Variants in OR1J2 observed in about 807,000 individuals in gnomAD.
OR1J2 encodes the protein olfactory receptor 1J2.
For synonymous variants in OR1J2, 142 were observed against 99.7 expected (o/e 1.42, Z -2.52); for missense variants, 304 against 246.1 (o/e 1.24, Z -1.57).
the OR1J2 span, among the ~76,000 whole-genome samples, chr9:122,564,250 C>T: frequency 2.4e-4 from 37 of 152,138 alleles, no homozygotes; most frequent in African/African-American, 8.0e-4. Flanking sequence ...TCCACTCGAT[C>T]CCAAAACCCA....
the OR1J2 span, among the ~76,000 whole-genome samples, chr9:122,483,555 T>C: frequency 1.3e-5 from 2 of 152,314 alleles, no homozygotes; most frequent in East Asian, 3.9e-4. Context: ...TGGGCACATA[T>C]ATGCAGTAAA....
chr9:122,449,484 C>T, the OR1J2 span, among the ~76,000 whole-genome samples: 616 of 152,276 alleles, frequency 4.0e-3, 20 homozygotes, highest in East Asian at 0.074. Flanking sequence ...ATTCTCCTGC[C>T]TCAGCCTCCC....
At chr9:122,517,624 G>A in the OR1J2 span, among the ~76,000 whole-genome samples, 2 of 152,134 alleles carry the variant, frequency 1.3e-5, no homozygotes, top group East Asian at 3.8e-4. Context: ...GACTTAAAGG[G>A]AACTTTTCAA....
chr9:122,553,635 C>T, the OR1J2 span: 56 of 1,614,030 alleles, frequency 3.5e-5, no homozygotes, highest in Non-Finnish European at 4.4e-5. Flanking sequence ...TATGAGTCCC[C>T]AGCTCTGTGC....
the OR1J2 span, among the ~76,000 whole-genome samples, chr9:122,474,487 A>T: frequency 6.6e-6 from 1 of 152,202 alleles, no homozygotes; most frequent in African/African-American, 2.4e-5. Context: ...AAACCTGGCT[A>T]CAGGCTAGTT....
chr9:122,461,360 AT>A, the OR1J2 span, among the ~76,000 whole-genome samples: 2 of 151,512 alleles, frequency 1.3e-5, no homozygotes, highest in East Asian at 3.9e-4. Context: ...TTGTACATCT[AT>A]TGAGATAATC....
chr9:122,479,601 T>G, the OR1J2 span, among the ~76,000 whole-genome samples: 1 of 152,190 alleles, frequency 6.6e-6, no homozygotes, highest in Non-Finnish European at 1.5e-5. Flanking sequence ...CACATCATAA[T>G]AAATTCAGAT....
the OR1J2 span, among the ~76,000 whole-genome samples, chr9:122,548,911 T>C: frequency 6.6e-6 from 1 of 152,070 alleles, no homozygotes; most frequent in Non-Finnish European, 1.5e-5. Context: ...TCTCCCATTC[T>C]TCAGGTGGTT....
chr9:122,507,457 CA>C (rs1398063414), upstream of OR1J2, among the ~76,000 whole-genome samples: 1 of 152,152 alleles, frequency 6.6e-6, no homozygotes, highest in Non-Finnish European at 1.5e-5. Context: ...TCCCCAAATA[CA>C]GTCTACACCA....
At chr9:122,534,555 C>T in the OR1J2 span, among the ~76,000 whole-genome samples, 15 of 152,172 alleles carry the variant, frequency 9.9e-5, no homozygotes, top group East Asian at 3.9e-4. Context: ...GGCTAGTCAC[C>T]GAACGAAACT....
At chr9:122,560,865 T>A in the OR1J2 span, among the ~76,000 whole-genome samples, 10 of 152,214 alleles carry the variant, frequency 6.6e-5, no homozygotes, top group Non-Finnish European at 1.3e-4. Flanking sequence ...TGAATTTGAA[T>A]GTTGGTCTGT....
downstream of OR1J2, among the ~76,000 whole-genome samples, chr9:122,514,419 C>T (rs1828673667): frequency 2.0e-5 from 3 of 152,244 alleles, no homozygotes; most frequent in Admixed American, 2.0e-4. Context: ...AGGATGATGG[C>T]CTCCAGTTAC....
chr9:122,485,229 G>T, the OR1J2 span, among the ~76,000 whole-genome samples: 1 of 152,070 alleles, frequency 6.6e-6, no homozygotes, highest in Non-Finnish European at 1.5e-5. Context: ...TAGACAACTG[G>T]CTCCATGTAA....
the OR1J2 span, among the ~76,000 whole-genome samples, chr9:122,575,500 ATTTC>A: frequency 3.3e-5 from 5 of 151,950 alleles, no homozygotes; most frequent in East Asian, 1.9e-4. Flanking sequence ...TGTTCATAGT[ATTTC>A]TTTATTTTCT....
the OR1J2 span, among the ~76,000 whole-genome samples, chr9:122,535,281 A>G: frequency 6.6e-6 from 1 of 152,062 alleles, no homozygotes; most frequent in South Asian, 2.1e-4. Context: ...CTCCCCCAGA[A>G]AAGCAGGACT....
chr9:122,526,422 C>T, the OR1J2 span: 8 of 1,517,818 alleles, frequency 5.3e-6, no homozygotes, highest in South Asian at 9.5e-5. Context: ...GTCCTTGTTC[C>T]TTAGGCTATA....
chr9:122,455,527 C>T, the OR1J2 span, among the ~76,000 whole-genome samples: 1 of 152,118 alleles, frequency 6.6e-6, no homozygotes, highest in African/African-American at 2.4e-5. Flanking sequence ...ATGTTCTTTA[C>T]CCATTAAAAC....
At chr9:122,510,676 G>A (rs1828614323), upstream of OR1J2, 1 of 613,772 alleles carries the variant, frequency 1.6e-6, no homozygotes, top group Middle Eastern at 2.6e-4. Context: ...AGGCCCCAGT[G>A]TGTGTTGTTC....
At chr9:122,448,382 A>G in the OR1J2 span, among the ~76,000 whole-genome samples, 1 of 152,138 alleles carries the variant, frequency 6.6e-6, no homozygotes, top group Non-Finnish European at 1.5e-5. Context: ...AATAGAACAA[A>G]TGTACAATCG....
Sources: gnomAD v4.1 joint callset for allele counts (sites outside exome capture counted in the v4.1 genomes callset) on GRCh38, gnomAD v4.1.1 for gene constraint, MANE v1.5 for transcripts, NCBI Gene and HGNC (gene_info 2026-07-23, HGNC 2026-07-21) for gene names.